AP3D1: variants seen among roughly 807,000 people sequenced by gnomAD.
The protein encoded by AP3D1 is adaptor related protein complex 3 subunit delta 1, also known as AP-3 complex subunit delta-1.
In AP3D1, 51 loss-of-function variants were observed where a neutral mutation model predicts 147.6. The observed-to-expected ratio is 0.35, with a 90% CI of 0.28 to 0.44. The LOEUF (loss-of-function observed/expected upper bound fraction) is 0.44, where lower values mean the gene tolerates loss of function less well. Ranked by LOEUF, AP3D1 falls within the 20% of genes least tolerant of loss-of-function variation. The pLI is 1.00. For synonymous variants in AP3D1, 760 were observed against 663.0 expected, an observed-to-expected ratio of 1.15 and a Z score of -2.25; for missense variants, 1,421 against 1,624.2, an observed-to-expected ratio of 0.87 and a Z score of 2.15.
chr19:2,126,064 C>T (rs548270015), intron 9 of AP3D1, among the ~76,000 whole-genome samples: 1 of 150,874 alleles, frequency 6.6e-6, no homozygotes, highest in Admixed American at 6.6e-5. Flanking sequence ...GAGGTCAAGG[C>T]TGCAGTGAGC....
intron 1 of AP3D1, among the ~76,000 whole-genome samples, chr19:2,149,508 A>G (rs2144573972): frequency 6.8e-6 from 1 of 147,204 alleles, no homozygotes. Flanking sequence ...ATGCCTCTGC[A>G]CTCCGGCCTG....
intron 9 of AP3D1, among the ~76,000 whole-genome samples, chr19:2,126,605 G>A (rs1490307176): frequency 1.4e-5 from 2 of 144,318 alleles, no homozygotes; most frequent in Admixed American, 7.1e-5. Flanking sequence ...AGTAAGCCAA[G>A]TTGCGCCACT....
chr19:2,118,710 T>A lies in AP3D1; in HGVS notation c.1604A>T (p.Gln535Leu), dbSNP rs2018527096. ...TGCCTCCCCGGCCTGCTCCTTCTGCTGCAGGATGGAGGCGTAGAGCTTGAC... is the reference window on the plus strand; with the variant it reads ...TGCCTCCCCGGCCTGCTCCTTCTGCAGCAGGATGGAGGCGTAGAGCTTGAC... Reference protein sequence around the residue: ...NVVKLYASILQQKEQAGEAEG... With the variant: ...NVVKLYASILLQKEQAGEAEG... Residue 535 changes from glutamine to leucine, a missense_variant, in exon 15 of 32, where the codon CAG becomes CTG. Around this residue, in one of 6 missense-constraint regions of AP3D1, gnomAD observed 310 missense variants for 388.1 expected, o/e 0.80. Transcript: ENST00000643116. 4 of 1,613,492 alleles carry A rather than the reference T, an allele frequency of 2.5e-6. No individual in the cohort carries two copies. The South Asian group carries it at 3.3e-5, about 13-fold the overall frequency.
intron 5 of AP3D1, 128 bp from the exon 6 acceptor site, chr19:2,130,665 CA>C (rs2018914563): frequency 1.4e-6 from 2 of 1,397,300 alleles, no homozygotes; most frequent in Admixed American, 1.9e-5. Context: ...ACACCAGTCC[CA>C]GGGGCCACAG....
At chr19:2,143,113 G>GAGTGC (rs2144540570) in intron 1 of AP3D1, among the ~76,000 whole-genome samples, 1 of 151,708 alleles carries the variant, frequency 6.6e-6, no homozygotes, top group East Asian at 1.9e-4. Context: ...GTCCAAGTTG[G>GAGTGC]AGTGCAGTGG....
intron 29 of AP3D1, chr19:2,109,648 G>A (rs533498199): frequency 1.1e-5 from 6 of 569,120 alleles, no homozygotes; most frequent in Middle Eastern, 4.8e-4. Flanking sequence ...ACTTCCAGGG[G>A]CCTGGACCTC....
At chr19:2,142,557 A>G (rs988592723) in intron 1 of AP3D1, among the ~76,000 whole-genome samples, 14 of 152,208 alleles carry the variant, frequency 9.2e-5, no homozygotes, top group Middle Eastern at 3.2e-3. Context: ...TCAGCAGCTG[A>G]TTCTCAGGTG....
At chr19:2,130,093 C>A (rs571961724) in intron 6 of AP3D1, among the ~76,000 whole-genome samples, 7 of 152,224 alleles carry the variant, frequency 4.6e-5, no homozygotes, top group Non-Finnish European at 1.0e-4. Context: ...ATGGTCTAGA[C>A]CATCCCCTGC....
rs886415826 is a variant in AP3D1 at position 2,150,235 on chromosome 19, A to G, written c.96+1004T>C. Among the ~76,000 whole-genome samples the G allele has an allele frequency of 3.9e-5, 6 of 152,182 alleles. No homozygotes were observed. The South Asian group carries it at 1.2e-3, about 32-fold the overall frequency. ...CTGGTACTGGGACTGGTGCGGTATCAGACGGCGGCTCTCTTTCAGGCCTGC... is the reference window on the plus strand; with the variant it reads ...CTGGTACTGGGACTGGTGCGGTATCGGACGGCGGCTCTCTTTCAGGCCTGC... On this transcript the variant is annotated intron_variant, in intron 1 of 31. Coordinates refer to ENST00000643116, the MANE Select transcript of AP3D1 (RefSeq NM_001261826.3).
chr19:2,145,993 T>A (rs1467870496), intron 1 of AP3D1, among the ~76,000 whole-genome samples: 1 of 152,188 alleles, frequency 6.6e-6, no homozygotes, highest in African/African-American at 2.4e-5. Flanking sequence ...GGCTGCGGCT[T>A]TCATGCTTGC....
Position 2,112,967 on chromosome 19 carries a change from C to T in AP3D1, c.2680G>A (p.Gly894Arg). The change falls in exon 24 of 32, where the codon GGG becomes AGG. Residue 894 changes from glycine (G) to arginine (R), a missense_variant and splice_region_variant. Coordinates refer to ENST00000643116, the MANE Select transcript of AP3D1 (RefSeq NM_001261826.3). ...GTGACAGTGTTCACACTGAGCTCCC[C>T]CTGCAGGGAGCCAGGGCTTGGGGCT... is the stretch of plus-strand genomic sequence containing the variant. ...APAPAPVPST[G>R]ELSVNTVTTP... The T allele has an allele frequency of 6.2e-7, 1 of 1,607,884 alleles. No homozygotes were observed. Among genetic ancestry groups the T allele is most frequent in the Non-Finnish European group, 8.5e-7 (1 of 1,177,360 alleles).
At chr19:2,150,266 T>G (rs778885773) in intron 1 of AP3D1, among the ~76,000 whole-genome samples, 1 of 152,188 alleles carries the variant, frequency 6.6e-6, no homozygotes, top group Non-Finnish European at 1.5e-5. Context: ...CCTGCCTTGC[T>G]GTCCACGCAG....
upstream of AP3D1, among the ~76,000 whole-genome samples, chr19:2,151,885 G>A (rs1478039480): frequency 2.0e-5 from 3 of 152,248 alleles, no homozygotes; most frequent in Non-Finnish European, 4.4e-5. Flanking sequence ...GATGTGGGCG[G>A]GGCGCCCACG....
intron 18 of AP3D1, 83 bp from the exon 19 acceptor site, chr19:2,115,696 G>A: frequency 1.4e-6 from 2 of 1,417,750 alleles, no homozygotes; most frequent in Non-Finnish European, 9.6e-7. Flanking sequence ...CAGGGAGCGT[G>A]ACGCAGCCCC....
chr19:2,122,244 G>T (rs1272619952), intron 11 of AP3D1, among the ~76,000 whole-genome samples: 8 of 152,128 alleles, frequency 5.3e-5, no homozygotes, highest in Admixed American at 5.2e-4. Context: ...CCAAGGCAGG[G>T]TCTCACCTGT....
At chr19:2,115,656 G>A in intron 18 of AP3D1, 43 bp from the exon 19 acceptor site, 1 of 1,584,790 alleles carries the variant, frequency 6.3e-7, no homozygotes, top group Non-Finnish European at 8.6e-7. Context: ...ACCGAGGGGT[G>A]ACACACGTGC....
At chr19:2,123,448 C>G in intron 10 of AP3D1, 42 bp from the exon 11 acceptor site, 1 of 1,607,140 alleles carries the variant, frequency 6.2e-7, no homozygotes. Context: ...ATCCTCTAAA[C>G]CAAGGGTGAG....
In AP3D1 at chr19:2,123,533, C is replaced by T. The variant is rs1390397416; in HGVS notation, c.907-127G>A. On this transcript the variant is annotated intron_variant, in intron 10 of 31. Transcript: ENST00000643116. The stretch of plus-strand genomic sequence containing the variant: ...GTCAGCCCCACCCACCAATCAAAGC[C>T]CAGGAGGGAAACAAGCATGGCCCAC... The T allele has an allele frequency of 9.1e-6, 9 of 989,340 alleles. No individual in the cohort carries two copies. In the East Asian group the frequency reaches 1.0e-4, roughly 11 times the overall value. The allele number at this position is 989,340 out of a possible 1,614,324, so 61.3% of individuals were successfully genotyped here.
intron 5 of AP3D1, among the ~76,000 whole-genome samples, chr19:2,131,213 C>T (rs2018928975): frequency 6.6e-6 from 1 of 152,278 alleles, no homozygotes; most frequent in South Asian, 2.1e-4. Context: ...GATCTAGAAG[C>T]TTAGCAGGCT....
Sources: gnomAD v4.1 joint callset for allele counts (sites outside exome capture counted in the v4.1 genomes callset) on GRCh38, gnomAD v4.1.1 for gene constraint, gnomAD v4.1.1 regional missense constraint, MANE v1.5 for transcripts, NCBI Gene and HGNC (gene_info 2026-07-23, HGNC 2026-07-21) for gene names.